The following METTL8 variants were observed in gnomAD, a reference collection of about 807,000 sequenced individuals.
METTL8 encodes the protein methyltransferase 8, tRNA N3-cytidine.
In METTL8, 32 loss-of-function variants were observed where a neutral mutation model predicts 48.7. That is an observed-to-expected ratio of 0.66 (90% CI 0.50 to 0.88). The LOEUF is 0.88. METTL8 is among the 40% of genes least tolerant of loss of function. METTL8 has a pLI of 0.00. For synonymous variants in METTL8, 136 were observed against 157.1 expected (o/e 0.87, Z 1.01); for missense variants, 464 against 474.4 (o/e 0.98, Z 0.20).
intron 2 of METTL8, among the ~76,000 whole-genome samples, chr2:171,361,569 A>G (rs1162288008): frequency 2.0e-5 from 3 of 152,230 alleles, no homozygotes; most frequent in African/African-American, 7.2e-5. Flanking sequence ...GTATTGTAAT[A>G]AGCACATTAC....
At chr2:171,337,925 AT>A (rs1307950172) in intron 4 of METTL8, among the ~76,000 whole-genome samples, 3 of 152,188 alleles carry the variant, frequency 2.0e-5, no homozygotes, top group Non-Finnish European at 2.9e-5. Flanking sequence ...ACAAGGTACA[AT>A]TTTTGTCTAA....
In METTL8 at chr2:171,347,341, C is replaced by A. The variant is rs906922216; in HGVS notation, c.236-7787G>T. On this transcript the variant is annotated intron_variant, in intron 3 of 9. Transcript: ENST00000375258. ...CTTTCTATTTCAGTCACACTACGTA[C>A]GGTTCTATGGGAACTGTCATTTTCC... Among the ~76,000 whole-genome samples the A allele has an allele frequency of 7.9e-5, 12 of 152,260 alleles. No individual in the cohort carries two copies. The South Asian group carries it at 1.9e-3, about 24-fold the overall frequency.
In METTL8 at chr2:171,385,469, G is replaced by A. The variant is rs376477486; in HGVS notation, c.143+6574C>T. Among the ~76,000 whole-genome samples, 35 of 152,202 alleles carry A rather than the reference G, an allele frequency of 2.3e-4. No homozygotes were observed. The South Asian group carries it at 7.0e-3, about 31-fold the overall frequency. On this transcript the variant is annotated intron_variant, in intron 2 of 9. Transcript: ENST00000375258. ...GGATGGGGAGAACAAACCAGGTTTC[G>A]TTTAATTTACACATCTTCTCCTTAA...
chr2:171,348,657 G>T (rs570258455), intron 3 of METTL8, among the ~76,000 whole-genome samples: 1 of 152,246 alleles, frequency 6.6e-6, no homozygotes, highest in South Asian at 2.1e-4. Flanking sequence ...TAATTGGGAA[G>T]AAGCACATGG....
intron 1 of METTL8, among the ~76,000 whole-genome samples, chr2:171,419,613 C>G (rs558767356): frequency 6.6e-6 from 1 of 152,186 alleles, no homozygotes; most frequent in Non-Finnish European, 1.5e-5. Context: ...TTTAGTCTTA[C>G]GGTCTCATTT....
At chr2:171,341,866 CACTT>C (rs1198301501) in intron 3 of METTL8, among the ~76,000 whole-genome samples, 1 of 150,678 alleles carries the variant, frequency 6.6e-6, no homozygotes, top group Non-Finnish European at 1.5e-5. Flanking sequence ...CACACACACA[CACTT>C]GTAGAAGGTA....
At chr2:171,405,927 G>C (rs1256569508) in intron 1 of METTL8, among the ~76,000 whole-genome samples, 1 of 151,470 alleles carries the variant, frequency 6.6e-6, no homozygotes, top group African/African-American at 2.4e-5. Context: ...AGGAGGAACA[G>C]AAAAAAAATG....
chr2:171,349,199 A>C (rs1224852731), intron 3 of METTL8, among the ~76,000 whole-genome samples: 1 of 152,196 alleles, frequency 6.6e-6, no homozygotes, highest in Admixed American at 6.5e-5. Flanking sequence ...CAAATTATAT[A>C]TGTATTATAA....
chr2:171,405,532 T>A (rs1167061278), intron 1 of METTL8, among the ~76,000 whole-genome samples: 2 of 152,110 alleles, frequency 1.3e-5, no homozygotes, highest in Admixed American at 1.3e-4. Flanking sequence ...AGGTAATGAA[T>A]GTAGATGACT....
In METTL8 at chr2:171,419,618, T is replaced by G. The variant is rs147009742; in HGVS notation, c.-13+14265A>C. On this transcript the variant is annotated intron_variant, in intron 1 of 9. Transcript: ENST00000375258. ...TCCCATTGCCTTTAGTCTTACGGTC[T>G]CATTTCCAAAGTTACTCAGGTCAAC... Among the ~76,000 whole-genome samples the G allele has an allele frequency of 4.2e-3, 642 of 152,302 alleles. 3 individuals are homozygous for G. Among genetic ancestry groups the G allele is most frequent in the Non-Finnish European group, 6.8e-3 (460 of 68,030 alleles).
intron 1 of METTL8, among the ~76,000 whole-genome samples, chr2:171,406,717 T>C (rs1690216568): frequency 6.6e-6 from 1 of 152,130 alleles, no homozygotes; most frequent in African/African-American, 2.4e-5. Flanking sequence ...ATGCAGTCCA[T>C]AACAAAAGCC....
rs113114661 is a variant in METTL8 at position 171,316,860 on chromosome 2, C to T, written c.*7312G>A. ...ATTCTCTTTCAGGCAATTTTCAGTG[C>T]GAGTGCCAAATGCTGCTTAGGGGGA... On this transcript the variant is annotated 3_prime_UTR_variant, in exon 10 of 10. Coordinates refer to ENST00000375258, the MANE Select transcript of METTL8 (RefSeq NM_001321154.2). Among the ~76,000 whole-genome samples the T allele has an allele frequency of 0.024, 3,658 of 152,164 alleles. 60 individuals carry two copies. Among genetic ancestry groups the T allele is most frequent in the Middle Eastern group, 0.055 (16 of 292 alleles).
chr2:171,333,328 C>T (rs1172702099), intron 5 of METTL8, among the ~76,000 whole-genome samples: 1 of 152,148 alleles, frequency 6.6e-6, no homozygotes, highest in Non-Finnish European at 1.5e-5. Context: ...GAACTCCTGA[C>T]CTCAGGTGAT....
intron 7 of METTL8, 130 bp from the exon 8 acceptor site, chr2:171,326,278 G>C (rs907274713): frequency 7.1e-6 from 4 of 559,700 alleles, no homozygotes; most frequent in Non-Finnish European, 1.3e-5. Flanking sequence ...ATAAACATAA[G>C]GGTAACAAAA....
intron 1 of METTL8, among the ~76,000 whole-genome samples, chr2:171,419,400 A>T (rs191062016): frequency 1.3e-5 from 2 of 152,196 alleles, no homozygotes; most frequent in African/African-American, 2.4e-5. Flanking sequence ...ATCTATTACC[A>T]CACAGATAAC....
chr2:171,345,816 T>G (rs1687210868), intron 3 of METTL8, among the ~76,000 whole-genome samples: 1 of 152,160 alleles, frequency 6.6e-6, no homozygotes, highest in Non-Finnish European at 1.5e-5. Flanking sequence ...TATGACACAC[T>G]GGAGATGTTT....
chr2:171,335,583 C>T (rs1686001334), intron 5 of METTL8, among the ~76,000 whole-genome samples: 1 of 152,054 alleles, frequency 6.6e-6, no homozygotes, highest in Non-Finnish European at 1.5e-5. Flanking sequence ...CACCACCACA[C>T]TCAGCTAATT....
intron 5 of METTL8, among the ~76,000 whole-genome samples, chr2:171,336,982 C>T (rs755297651): frequency 6.6e-6 from 1 of 150,964 alleles, no homozygotes; most frequent in Non-Finnish European, 1.5e-5. Flanking sequence ...ATTCTCCTGC[C>T]TCAGCTTCCC....
chr2:171,330,351 C>T (rs1280013429), intron 7 of METTL8, among the ~76,000 whole-genome samples: 3 of 152,260 alleles, frequency 2.0e-5, no homozygotes, highest in East Asian at 1.9e-4. Context: ...CTGACAGTGA[C>T]AGAAAGCTCA....
Sources: gnomAD v4.1 joint callset for allele counts (sites outside exome capture counted in the v4.1 genomes callset) on GRCh38, gnomAD v4.1.1 for gene constraint, MANE v1.5 for transcripts, NCBI Gene and HGNC (gene_info 2026-07-23, HGNC 2026-07-21) for gene names.